Variants in CAST observed in about 807,000 individuals in gnomAD.
The protein encoded by CAST is calpastatin, also known as MIR583 host.
A neutral mutation model predicts 119.6 loss-of-function variants in CAST; 76 were observed. That is an observed-to-expected ratio of 0.64 (90% CI 0.53 to 0.77). CAST has a LOEUF of 0.77. Among genes scored for constraint, CAST ranks in the 30% least tolerant of loss-of-function variants. The pLI, the probability that CAST is intolerant of heterozygous loss-of-function variation, is 0.00. For missense variants in CAST, 953 were observed against 946.5 expected, an observed-to-expected ratio of 1.01 and a Z score of -0.09; for synonymous variants, 319 against 331.6, an observed-to-expected ratio of 0.96 and a Z score of 0.41.
chr5:96,736,054 G>C (rs1761567492), intron 9 of CAST, 118 bp from the exon 10 acceptor site: 1 of 631,202 alleles, frequency 1.6e-6, no homozygotes, highest in African/African-American at 1.9e-5. Context: ...CTGCTGTAGA[G>C]CGGATGTTCA....
chr5:96,467,338 A>G, the CAST span, among the ~76,000 whole-genome samples: 1 of 152,024 alleles, frequency 6.6e-6, no homozygotes, highest in African/African-American at 2.4e-5. Context: ...TATTGTTGCT[A>G]TCAAGTTTTT....
chr5:96,128,084 CT>C, the CAST span, among the ~76,000 whole-genome samples: 1 of 152,050 alleles, frequency 6.6e-6, no homozygotes, highest in African/African-American at 2.4e-5. Context: ...ATTTTAAGCA[CT>C]TTTTGGAATT....
At chr5:96,453,569 CG>C in the CAST span, among the ~76,000 whole-genome samples, 1 of 152,148 alleles carries the variant, frequency 6.6e-6, no homozygotes, top group Admixed American at 6.5e-5. Flanking sequence ...GCATTACCAT[CG>C]AGCACTGATA....
chr5:96,149,201 TAC>T, the CAST span, among the ~76,000 whole-genome samples: 2 of 152,240 alleles, frequency 1.3e-5, no homozygotes, highest in African/African-American at 4.8e-5. Flanking sequence ...AAGCTGTGTG[TAC>T]ACTGCAGGCA....
the CAST span, among the ~76,000 whole-genome samples, chr5:96,409,765 TC>T: frequency 1.3e-5 from 2 of 152,122 alleles, no homozygotes; most frequent in African/African-American, 4.8e-5. Context: ...ATAAAACCCC[TC>T]GGTAGAATGC....
chr5:96,253,384 T>C, the CAST span, among the ~76,000 whole-genome samples: 2 of 152,086 alleles, frequency 1.3e-5, no homozygotes, highest in African/African-American at 4.8e-5. Flanking sequence ...TCCAAAACCA[T>C]AAAATCTCTG....
chr5:96,622,012 C>T (rs1272863822), intron 1 of CAST, among the ~76,000 whole-genome samples: 32 of 144,616 alleles, frequency 2.2e-4, no homozygotes, highest in African/African-American at 7.1e-4. Flanking sequence ...CTCTGTTGCC[C>T]GGGCTGGAGT....
chr5:96,257,312 G>A, the CAST span, among the ~76,000 whole-genome samples: 1 of 152,144 alleles, frequency 6.6e-6, no homozygotes, highest in Non-Finnish European at 1.5e-5. Flanking sequence ...TGTGTAGAGG[G>A]ATCTCTGTAA....
chr5:95,997,971 T>TC, the CAST span, among the ~76,000 whole-genome samples: 1 of 147,222 alleles, frequency 6.8e-6, no homozygotes, highest in Admixed American at 6.8e-5. Context: ...GGGTTTTTTT[T>TC]TTTTTTTTTT....
At chr5:96,214,897 A>T in the CAST span, 1 of 152,074 alleles carries the variant, frequency 6.6e-6, no homozygotes, top group Non-Finnish European at 1.5e-5. Context: ...TCCTCCTCTG[A>T]CCTCTTTCTG....
chr5:96,496,750 T>C, the CAST span, among the ~76,000 whole-genome samples: 5 of 152,182 alleles, frequency 3.3e-5, no homozygotes, highest in Non-Finnish European at 7.4e-5. Context: ...CCAAATAACT[T>C]TTTTATTTAT....
chr5:96,553,721 T>C (rs1176254286), intron 1 of CAST, among the ~76,000 whole-genome samples: 1 of 152,120 alleles, frequency 6.6e-6, no homozygotes, highest in African/African-American at 2.4e-5. Context: ...AGATGCAAAA[T>C]CAATGTGCAA....
the CAST span, chr5:96,400,202 C>A: frequency 6.4e-7 from 1 of 1,564,502 alleles, no homozygotes; most frequent in Non-Finnish European, 8.8e-7. Context: ...GGGGAAGTGA[C>A]CCAAAGTGTC....
chr5:96,663,263 T>C, intron 1 of CAST: 2 of 701,102 alleles, frequency 2.9e-6, no homozygotes, highest in Non-Finnish European at 5.2e-6. Context: ...GATGAAGCGT[T>C]GTCCGGGGTT....
the CAST span, among the ~76,000 whole-genome samples, chr5:96,014,143 CA>C: frequency 3.7e-5 from 5 of 134,594 alleles, no homozygotes; most frequent in East Asian, 2.3e-4. Flanking sequence ...TTTTTGTATT[CA>C]TTTTTTTTTT....
At chr5:96,052,725 G>C in the CAST span, among the ~76,000 whole-genome samples, 3 of 152,304 alleles carry the variant, frequency 2.0e-5, no homozygotes, top group South Asian at 6.2e-4. Flanking sequence ...TTCCATTATT[G>C]ATGGAAGAAT....
chr5:96,425,005 AAGAAAAGAAAGAAAGAAAG>A, the CAST span, among the ~76,000 whole-genome samples: 186 of 128,698 alleles, frequency 1.4e-3, 1 homozygote, highest in African/African-American at 6.0e-3. Context: ...AAGAGAAAGA[AAGAAAAGAAAGAAAGAAAG>A]AAAGAAAGAA....
the CAST span, among the ~76,000 whole-genome samples, chr5:96,043,419 A>G: frequency 6.6e-6 from 1 of 152,242 alleles, no homozygotes; most frequent in Non-Finnish European, 1.5e-5. Context: ...AGTTAATGCA[A>G]GTGGTTTCGT....
the CAST span, among the ~76,000 whole-genome samples, chr5:96,516,985 G>A: frequency 2.0e-5 from 3 of 152,172 alleles, no homozygotes; most frequent in Non-Finnish European, 1.5e-5. Context: ...ACACTAGGGT[G>A]AGCAATCATC....
Sources: gnomAD v4.1 joint callset for allele counts (sites outside exome capture counted in the v4.1 genomes callset) on GRCh38, gnomAD v4.1.1 for gene constraint, MANE v1.5 for transcripts, NCBI Gene and HGNC (gene_info 2026-07-23, HGNC 2026-07-21) for gene names.